ASAP1: variants seen among roughly 807,000 people sequenced by gnomAD.
The protein encoded by ASAP1 is ArfGAP with SH3 domain, ankyrin repeat and PH domain 1.
ASAP1 carries 43 observed loss-of-function variants against 145.2 expected under a neutral mutation model. The ratio of observed to expected loss-of-function variants is 0.30; its 90% CI spans 0.23 to 0.38. ASAP1 has a LOEUF of 0.38. Among genes scored for constraint, ASAP1 ranks in the 10% least tolerant of loss-of-function variants. The pLI, the probability that ASAP1 is intolerant of heterozygous loss-of-function variation, is 1.00. For synonymous variants in ASAP1, 546 were observed against 515.5 expected (o/e 1.06, Z -0.80); for missense variants, 1,018 against 1,355.3 (o/e 0.75, Z 3.91).
At chr8:130,332,046 C>T (rs2137802119) in intron 3 of ASAP1, among the ~76,000 whole-genome samples, 1 of 152,280 alleles carries the variant, frequency 6.6e-6, no homozygotes, top group African/African-American at 2.4e-5. Flanking sequence ...ATCACTATGG[C>T]TACTATTTCA....
At chr8:130,103,657 C>T (rs558353045) in intron 24 of ASAP1, among the ~76,000 whole-genome samples, 11 of 152,180 alleles carry the variant, frequency 7.2e-5, no homozygotes, top group Non-Finnish European at 1.3e-4. Flanking sequence ...CGTGTGCCAC[C>T]ACGCCCAGCT....
chr8:130,149,296 A>G (rs947933677), intron 13 of ASAP1, among the ~76,000 whole-genome samples: 16 of 150,686 alleles, frequency 1.1e-4, no homozygotes, highest in African/African-American at 3.7e-4. Context: ...TAGCAAATTC[A>G]GAGATTCACA....
At chr8:130,089,489 T>C (rs956607823) in intron 25 of ASAP1, among the ~76,000 whole-genome samples, 4 of 152,174 alleles carry the variant, frequency 2.6e-5, no homozygotes, top group Admixed American at 2.6e-4. Context: ...TAGGGGAACA[T>C]AAGAGCGTTG....
At chr8:130,232,485 T>C (rs1207807818) in intron 4 of ASAP1, among the ~76,000 whole-genome samples, 1 of 152,158 alleles carries the variant, frequency 6.6e-6, no homozygotes, top group Non-Finnish European at 1.5e-5. Context: ...CTTGGAGAAT[T>C]TTCCATTGGT....
intron 1 of ASAP1, among the ~76,000 whole-genome samples, chr8:130,416,745 T>C (rs1399948277): frequency 6.6e-6 from 1 of 152,224 alleles, no homozygotes; most frequent in Non-Finnish European, 1.5e-5. Flanking sequence ...TGCCACCTAA[T>C]GGAAAGTCCA....
intron 17 of ASAP1, among the ~76,000 whole-genome samples, chr8:130,125,272 G>A (rs2097573225): frequency 6.6e-6 from 1 of 152,046 alleles, no homozygotes; most frequent in Admixed American, 6.6e-5. Context: ...CATCCTACTT[G>A]GGGGATGCCA....
At chr8:130,130,171 G>C (rs1248840591) in intron 15 of ASAP1, among the ~76,000 whole-genome samples, 1 of 152,136 alleles carries the variant, frequency 6.6e-6, no homozygotes, top group African/African-American at 2.4e-5. Flanking sequence ...AAAGTTGTGG[G>C]CCCAAGCATT....
At chr8:130,297,874 G>T (rs545167229) in intron 3 of ASAP1, among the ~76,000 whole-genome samples, 1 of 152,308 alleles carries the variant, frequency 6.6e-6, no homozygotes, top group South Asian at 2.1e-4. Context: ...TGCTGAAAAG[G>T]AGTGGGAAAA....
At chr8:130,145,964 C>G (rs1480554502) in intron 13 of ASAP1, among the ~76,000 whole-genome samples, 1 of 151,266 alleles carries the variant, frequency 6.6e-6, no homozygotes, top group Admixed American at 6.6e-5. Context: ...GCCTGAGCCT[C>G]CCAAGGAGCT....
In ASAP1 at chr8:130,358,729, G is replaced by GC. The variant is rs1434148223; in HGVS notation, c.60-587dup. Among the ~76,000 whole-genome samples, 1 of 15,794 alleles carries GC rather than the reference G, an allele frequency of 6.3e-5. No individual in the cohort carries two copies. The highest frequency in any genetic ancestry group is 1.2e-4 in the Non-Finnish European group (1 of 8,418). 10.4% of individuals were successfully genotyped at this position (15,794 alleles called of 152,430 possible). On this transcript the variant is annotated intron_variant, in intron 2 of 29. Transcript: ENST00000518721. The surrounding 1 kb of genome is among the most constrained non-coding windows in gnomAD (Gnocchi z 4.1). ...CCCGGTCCCTCCCCGCCCGCGCCCC[G>GC]CCCCCGGCCCGGCCCCCGCCCCGCC...
chr8:130,256,759 A>ATATATATATATATATATATT (rs1819576238), intron 3 of ASAP1, among the ~76,000 whole-genome samples: 1 of 95,752 alleles, frequency 1.0e-5, no homozygotes, highest in African/African-American at 3.7e-5. Context: ...ATATATATAT[A>ATATATATATATATATATATT]TATATATATA....
chr8:130,376,131 C>T (rs1417019451), intron 2 of ASAP1, among the ~76,000 whole-genome samples: 2 of 152,212 alleles, frequency 1.3e-5, no homozygotes, highest in African/African-American at 2.4e-5. Context: ...TTGTTTCTCT[C>T]CTCTCTCTCT....
intron 13 of ASAP1, among the ~76,000 whole-genome samples, chr8:130,149,011 AT>A (rs397892008): frequency 0.072 from 8,965 of 123,850 alleles, 376 homozygotes; most frequent in African/African-American, 0.15. Context: ...TAATTTTTGC[AT>A]TTTTTTTTTT....
intron 3 of ASAP1, among the ~76,000 whole-genome samples, chr8:130,245,355 C>T (rs564976678): frequency 2.2e-4 from 34 of 152,108 alleles, no homozygotes; most frequent in Non-Finnish European, 4.9e-4. Flanking sequence ...ACGTCTTCTA[C>T]GGTGCCTACA....
rs879169122 is a variant in ASAP1 at position 130,060,864 on chromosome 8, C to T, written c.2907G>A (p.Gly969=). 6.2e-7 allele frequency: 1 copy of T among 1,613,556 alleles called. No individual in the cohort carries two copies. The highest frequency in any genetic ancestry group is 2.2e-5 in the East Asian group (1 of 44,860). ...AGAGTTGGGGTTTGGGTGGCAGGTC[C>T]CCCAGCTGTGGTTTGGGGGGCAGTT... ...PGELPPKPQL[G]DLPPKPQLSD... Residue 969 remains glycine, a synonymous_variant, in exon 28 of 30, where the codon GGG becomes GGA. Transcript: ENST00000518721.
Position 130,112,063 on chromosome 8 carries a change from T to C in ASAP1, c.2401+31A>G, listed in dbSNP as rs779101432. 8 of 1,582,152 alleles carry C rather than the reference T, an allele frequency of 5.1e-6. No individual in the cohort carries two copies. In the South Asian group the frequency reaches 5.6e-5, roughly 11 times the overall value. ...GATGGAGTCACAAGCCCTTCGAGGA[T>C]GGAGTCACAAGCCCTTCTCAAAGCC... On this transcript the variant is annotated intron_variant, in intron 24 of 29. Transcript: ENST00000518721.
chr8:130,163,852 T>C (rs982317394), intron 11 of ASAP1, among the ~76,000 whole-genome samples: 2 of 152,250 alleles, frequency 1.3e-5, no homozygotes, highest in Non-Finnish European at 2.9e-5. Context: ...TAATTTCCTA[T>C]TCTCTATTAG....
intron 1 of ASAP1, among the ~76,000 whole-genome samples, chr8:130,413,917 CATTT>C (rs1446567926): frequency 2.1e-5 from 3 of 145,506 alleles, no homozygotes; most frequent in Admixed American, 1.4e-4. Context: ...TTCATTCATT[CATTT>C]ATGTAACACT....
chr8:130,277,342 A>G (rs1586738362), intron 3 of ASAP1, among the ~76,000 whole-genome samples: 2 of 152,248 alleles, frequency 1.3e-5, no homozygotes, highest in African/African-American at 2.4e-5. Context: ...AAAAACACCA[A>G]TAACTATAAG....
Sources: gnomAD v4.1 joint callset for allele counts (sites outside exome capture counted in the v4.1 genomes callset) on GRCh38, gnomAD v4.1.1 for gene constraint, Gnocchi (gnomAD v3.1) non-coding constraint, MANE v1.5 for transcripts, NCBI Gene and HGNC (gene_info 2026-07-23, HGNC 2026-07-21) for gene names.